GRID2: variants seen among roughly 807,000 people sequenced by gnomAD.
GRID2 encodes the protein glutamate ionotropic receptor delta type subunit 2.
A neutral mutation model predicts 114.8 loss-of-function variants in GRID2; 33 were observed. That is an observed-to-expected ratio of 0.29 (90% CI 0.22 to 0.38). The LOEUF is 0.38. Among genes scored for constraint, GRID2 ranks in the 10% least tolerant of loss-of-function variants. The probability of loss-of-function intolerance (pLI) is 1.00; values close to 1 mark genes in which losing one functional copy is unlikely to be tolerated. For synonymous variants in GRID2, 505 were observed against 449.9 expected (o/e 1.12, Z -1.55); for missense variants, 1,184 against 1,257.7 (o/e 0.94, Z 0.89).
intron 1 of GRID2, among the ~76,000 whole-genome samples, chr4:92,402,164 T>C (rs1415070094): frequency 2.6e-5 from 4 of 152,182 alleles, no homozygotes; most frequent in Non-Finnish European, 5.9e-5. Context: ...TCTCCAATTC[T>C]AATTCTAGTT....
At chr4:93,245,269 A>C (rs560664649) in intron 8 of GRID2, among the ~76,000 whole-genome samples, 6 of 152,238 alleles carry the variant, frequency 3.9e-5, no homozygotes, top group African/African-American at 1.4e-4. Flanking sequence ...GTAAGAATCC[A>C]TAAGATTCTT....
At chr4:93,110,190 G>T (rs973279544) in intron 3 of GRID2, among the ~76,000 whole-genome samples, 1 of 152,090 alleles carries the variant, frequency 6.6e-6, no homozygotes, top group Non-Finnish European at 1.5e-5. Context: ...TAATTAAATA[G>T]ATTAAAATGC....
At chr4:93,381,896 A>G (rs1763888115) in intron 8 of GRID2, among the ~76,000 whole-genome samples, 1 of 152,042 alleles carries the variant, frequency 6.6e-6, no homozygotes, top group Non-Finnish European at 1.5e-5. Context: ...TTTTATTTCC[A>G]TCTTCAGAAC....
At chr4:92,894,668 G>A (rs897635915) in intron 2 of GRID2, among the ~76,000 whole-genome samples, 10 of 152,024 alleles carry the variant, frequency 6.6e-5, no homozygotes, top group Non-Finnish European at 8.8e-5. Context: ...TGGGGAACAC[G>A]TTTAAAAGAA....
intron 2 of GRID2, among the ~76,000 whole-genome samples, chr4:92,643,069 T>G (rs1156806253): frequency 6.6e-6 from 1 of 151,848 alleles, no homozygotes; most frequent in Non-Finnish European, 1.5e-5. Flanking sequence ...GGGATTGTTT[T>G]GGTTATTTGT....
chr4:93,710,262 C>A (rs1404844037), intron 14 of GRID2, among the ~76,000 whole-genome samples: 1 of 152,170 alleles, frequency 6.6e-6, no homozygotes, highest in African/African-American at 2.4e-5. Context: ...TTTAAATCTT[C>A]GGTCAATGCA....
At chr4:92,822,268 C>CGCATG (rs980988873) in intron 2 of GRID2, 74 of 577,894 alleles carry the variant, frequency 1.3e-4, no homozygotes, top group Non-Finnish European at 2.0e-4. Context: ...TTGTTGAGAT[C>CGCATG]GCATGGCATG....
chr4:92,945,935 C>T (rs1255505319), intron 2 of GRID2, among the ~76,000 whole-genome samples: 6 of 152,100 alleles, frequency 3.9e-5, no homozygotes, highest in Admixed American at 2.6e-4. Context: ...ACTACTTGCA[C>T]TGTGTTTTAT....
At chr4:92,729,857 C>A (rs1736249058) in intron 2 of GRID2, among the ~76,000 whole-genome samples, 1 of 151,824 alleles carries the variant, frequency 6.6e-6, no homozygotes, top group Admixed American at 6.6e-5. Flanking sequence ...AATTTCATGC[C>A]ATTGTTTTGG....
At position 93,236,815 on chromosome 4, in the gene GRID2, G is replaced by A. The variant is rs76492783; in HGVS notation, c.1126-1556G>A. Among the ~76,000 whole-genome samples, 557 of 152,060 alleles carry A rather than the reference G, an allele frequency of 3.7e-3. 4 individuals carry two copies. Among genetic ancestry groups the A allele is most frequent in the African/African-American group, 0.013 (523 of 41,518 alleles). On this transcript the variant is annotated intron_variant, in intron 7 of 15. Coordinates refer to ENST00000282020, the MANE Select transcript of GRID2 (RefSeq NM_001510.4). ...TCCAAAGCCATCTAAATATTTAAGC[G>A]TATAATAATTTTTGGCAAACCCACT...
chr4:93,216,224 C>T (rs182272649), intron 5 of GRID2, among the ~76,000 whole-genome samples: 89 of 151,734 alleles, frequency 5.9e-4, no homozygotes, highest in Admixed American at 7.2e-4. Flanking sequence ...GCTCTACTTG[C>T]CTCAGTTAAA....
chr4:93,325,456 A>G (rs935111401), intron 8 of GRID2, among the ~76,000 whole-genome samples: 1 of 151,958 alleles, frequency 6.6e-6, no homozygotes, highest in Non-Finnish European at 1.5e-5. Flanking sequence ...CTAGCTGTAC[A>G]TCTCTTAACC....
At chr4:93,024,432 A>G (rs1723688593) in intron 2 of GRID2, among the ~76,000 whole-genome samples, 1 of 151,814 alleles carries the variant, frequency 6.6e-6, no homozygotes, top group Non-Finnish European at 1.5e-5. Flanking sequence ...ACTTAGCTGT[A>G]AATTTATTGA....
intron 8 of GRID2, among the ~76,000 whole-genome samples, chr4:93,260,782 T>G (rs1372148879): frequency 6.6e-6 from 1 of 151,712 alleles, no homozygotes. Context: ...TTAGGTGAAA[T>G]GGAATATAAA....
At chr4:93,153,536 T>C (rs1309725941) in intron 4 of GRID2, among the ~76,000 whole-genome samples, 1 of 152,024 alleles carries the variant, frequency 6.6e-6, no homozygotes, top group Non-Finnish European at 1.5e-5. Flanking sequence ...CTGAGTTAGG[T>C]AGCAGTGAGG....
At chr4:93,278,598 C>A (rs377587041) in intron 8 of GRID2, among the ~76,000 whole-genome samples, 82 of 152,040 alleles carry the variant, frequency 5.4e-4, no homozygotes, top group African/African-American at 1.7e-3. Flanking sequence ...GGATGCAATT[C>A]ATTCAATTAA....
intron 14 of GRID2, among the ~76,000 whole-genome samples, chr4:93,724,867 C>A (rs1729704022): frequency 6.6e-6 from 1 of 152,256 alleles, no homozygotes; most frequent in African/African-American, 2.4e-5. Flanking sequence ...GCAACCTCCA[C>A]CTCCTGGGTT....
intron 4 of GRID2, among the ~76,000 whole-genome samples, chr4:93,142,240 C>A (rs915819945): frequency 4.6e-5 from 7 of 152,228 alleles, no homozygotes; most frequent in South Asian, 2.1e-4. Context: ...ACCTACTTCT[C>A]TTTTAATTTT....
At chr4:93,648,854 T>C (rs1030070398) in intron 14 of GRID2, among the ~76,000 whole-genome samples, 3 of 145,386 alleles carry the variant, frequency 2.1e-5, no homozygotes, top group Non-Finnish European at 3.1e-5. Flanking sequence ...TTTTTTACCA[T>C]GTTTTTTGGA....
Sources: gnomAD v4.1 joint callset for allele counts (sites outside exome capture counted in the v4.1 genomes callset) on GRCh38, gnomAD v4.1.1 for gene constraint, MANE v1.5 for transcripts, NCBI Gene and HGNC (gene_info 2026-07-23, HGNC 2026-07-21) for gene names.